The following CPNE8 variants were observed in gnomAD, a reference collection of about 807,000 sequenced individuals.
CPNE8 encodes the protein copine 8.
CPNE8 carries 45 observed loss-of-function variants against 81.5 expected under a neutral mutation model. The ratio of observed to expected loss-of-function variants is 0.55; its 90% CI spans 0.44 to 0.71. The LOEUF is 0.71. Ranked by LOEUF, CPNE8 falls within the 30% of genes least tolerant of loss-of-function variation. The pLI is 0.00. For synonymous variants in CPNE8, 252 were observed against 226.3 expected (o/e 1.11, Z -1.02); for missense variants, 594 against 672.1 (o/e 0.88, Z 1.28).
At chr12:38,891,328 C>T (rs1944311833) in intron 1 of CPNE8, among the ~76,000 whole-genome samples, 1 of 151,984 alleles carries the variant, frequency 6.6e-6, no homozygotes, top group Non-Finnish European at 1.5e-5. Flanking sequence ...TTATTTGTTT[C>T]TCATTTCTTC....
chr12:38,900,946 G>C (rs947986395), intron 1 of CPNE8, among the ~76,000 whole-genome samples: 4 of 152,138 alleles, frequency 2.6e-5, no homozygotes, highest in African/African-American at 7.2e-5. Flanking sequence ...TTGGCCAGGG[G>C]GGCAGTGGCT....
intron 10 of CPNE8, among the ~76,000 whole-genome samples, chr12:38,753,074 G>A (rs1014631058): frequency 6.6e-6 from 1 of 152,104 alleles, no homozygotes; most frequent in Admixed American, 6.6e-5. Flanking sequence ...AGAAATAAAA[G>A]CTCTAATATT....
At chr12:38,894,845 G>C (rs1944366965) in intron 1 of CPNE8, among the ~76,000 whole-genome samples, 1 of 151,994 alleles carries the variant, frequency 6.6e-6, no homozygotes. Flanking sequence ...CTTTATAGGA[G>C]TACATTTAGA....
chr12:38,828,534 T>C (rs1331797382), intron 6 of CPNE8, among the ~76,000 whole-genome samples: 2 of 152,184 alleles, frequency 1.3e-5, no homozygotes, highest in Admixed American at 1.3e-4. Context: ...AATGTGAGAA[T>C]AATGCCTTGC....
chr12:38,840,024 C>T, intron 4 of CPNE8, 69 bp from the exon 5 acceptor site: 2 of 1,375,928 alleles, frequency 1.5e-6, no homozygotes, highest in Non-Finnish European at 2.0e-6. Context: ...CCAGTATTTT[C>T]CAAAACACAT....
Position 38,685,472 on chromosome 12 carries a change from T to A in CPNE8, c.1271+18A>T, listed in dbSNP as rs1050411106. On this transcript the variant is annotated intron_variant, in intron 16 of 19. Coordinates refer to ENST00000331366, the MANE Select transcript of CPNE8 (RefSeq NM_153634.3). ...TTCCAGTACATCAGAATAAGCACCT[T>A]GTCTACTCTCTACTTACCTTGCTAC... 6.2e-7 allele frequency: 1 copy of A among 1,610,998 alleles called. No homozygotes were observed. Among genetic ancestry groups the A allele is most frequent in the African/African-American group, 1.3e-5 (1 of 74,896 alleles).
intron 6 of CPNE8, among the ~76,000 whole-genome samples, chr12:38,784,356 T>C (rs1942124933): frequency 6.6e-6 from 1 of 151,982 alleles, no homozygotes; most frequent in Non-Finnish European, 1.5e-5. Flanking sequence ...CAAAAAAGCA[T>C]GCCTACAGGA....
In CPNE8 at chr12:38,723,847, A is replaced by C; in HGVS notation, c.853-14T>G. 1 of 1,496,026 alleles carries C rather than the reference A, an allele frequency of 6.7e-7. No homozygotes were observed. The highest frequency in any genetic ancestry group is 1.1e-5 in the South Asian group (1 of 87,966). 92.7% of individuals were successfully genotyped at this position (1,496,026 alleles called of 1,614,324 possible). ...GAGTAAAGTTACCTGAAAAAGAAAA[A>C]GACAGAATTACCTTCTAGTTGTTTG... On this transcript the variant is annotated splice_polypyrimidine_tract_variant and intron_variant, in intron 12 of 19. Coordinates refer to ENST00000331366, the MANE Select transcript of CPNE8 (RefSeq NM_153634.3).
intron 6 of CPNE8, among the ~76,000 whole-genome samples, chr12:38,814,873 G>T (rs1260462125): frequency 6.6e-6 from 1 of 151,604 alleles, no homozygotes; most frequent in African/African-American, 2.4e-5. Context: ...GGTTCATCAT[G>T]GACCCCATTG....
intron 7 of CPNE8, among the ~76,000 whole-genome samples, chr12:38,769,933 G>C (rs138434167): frequency 6.6e-6 from 1 of 152,070 alleles, no homozygotes; most frequent in African/African-American, 2.4e-5. Flanking sequence ...AATTACTCAG[G>C]TTAACAACTT....
intron 14 of CPNE8, among the ~76,000 whole-genome samples, chr12:38,702,000 T>C (rs1042073059): frequency 6.6e-6 from 1 of 152,196 alleles, no homozygotes; most frequent in Non-Finnish European, 1.5e-5. Flanking sequence ...TCCTCGCTTG[T>C]ATAAGAAGAA....
At chr12:38,729,856 A>G (rs1344194017) in intron 11 of CPNE8, among the ~76,000 whole-genome samples, 2 of 152,002 alleles carry the variant, frequency 1.3e-5, no homozygotes, top group African/African-American at 4.8e-5. Flanking sequence ...TTACCTTGTC[A>G]TTCCCTTCAG....
chr12:38,718,491 A>G (rs2136730352), intron 13 of CPNE8, among the ~76,000 whole-genome samples: 1 of 152,356 alleles, frequency 6.6e-6, no homozygotes, highest in South Asian at 2.1e-4. Context: ...TTCACAGGTG[A>G]AAACTGACAA....
intron 15 of CPNE8, among the ~76,000 whole-genome samples, chr12:38,686,524 TA>T (rs1939538099): frequency 6.6e-6 from 1 of 152,228 alleles, no homozygotes; most frequent in Non-Finnish European, 1.5e-5. Flanking sequence ...TATTGCTATG[TA>T]ACAAATTACC....
intron 6 of CPNE8, among the ~76,000 whole-genome samples, chr12:38,796,102 A>T (rs1942464344): frequency 6.6e-6 from 1 of 152,120 alleles, no homozygotes; most frequent in Admixed American, 6.5e-5. Flanking sequence ...TCTACCACAA[A>T]TATAACATGG....
intron 3 of CPNE8, among the ~76,000 whole-genome samples, chr12:38,861,328 G>GTACTC (rs1267429414): frequency 2.0e-5 from 3 of 151,884 alleles, no homozygotes; most frequent in Admixed American, 6.6e-5. Flanking sequence ...ATACTGTACT[G>GTACTC]TACACTTAAA....
intron 1 of CPNE8, among the ~76,000 whole-genome samples, chr12:38,887,291 G>A (rs1944250106): frequency 6.6e-6 from 1 of 152,064 alleles, no homozygotes; most frequent in South Asian, 2.1e-4. Context: ...CCAGGCAGGG[G>A]GTACTAGGCC....
At chr12:38,672,219 T>A (rs544750250) in intron 18 of CPNE8, among the ~76,000 whole-genome samples, 23 of 152,340 alleles carry the variant, frequency 1.5e-4, no homozygotes, top group African/African-American at 5.5e-4. Flanking sequence ...AATCTAGGTC[T>A]CACTTTCCAC....
rs1259301467 is a variant in CPNE8, at chr12:38,902,385, G to GA, written c.98+3051dup. 4.0e-3 allele frequency among the ~76,000 whole-genome samples: 260 copies of GA among 65,486 alleles called. 5 individuals carry two copies. Among genetic ancestry groups the GA allele is most frequent in the Middle Eastern group, 6.5e-3 (1 of 154 alleles). 43.0% of individuals were successfully genotyped at this position (65,486 alleles called of 152,430 possible). On this transcript the variant is annotated intron_variant, in intron 1 of 19. Coordinates refer to ENST00000331366, the MANE Select transcript of CPNE8 (RefSeq NM_153634.3). Reference sequence around the variant, plus strand: ...GAAAGAAAGAAAGAAAGAAAGAAAAGAAAGAAAGAGAAAGAAAGAAAGAAA... The same window carrying GA: ...GAAAGAAAGAAAGAAAGAAAGAAAAGAAAAGAAAGAGAAAGAAAGAAAGAAA...
Sources: allele counts gnomAD v4.1 joint callset (sites outside exome capture counted in the v4.1 genomes callset), GRCh38; gene constraint gnomAD v4.1.1; transcripts MANE v1.5; gene names NCBI Gene and HGNC (gene_info 2026-07-23, HGNC 2026-07-21).